The following SLC39A8 variants were observed in gnomAD, a reference collection of about 807,000 sequenced individuals.
The protein encoded by SLC39A8 is solute carrier family 39 member 8.
SLC39A8 carries 15 observed loss-of-function variants against 40.4 expected under a neutral mutation model. The observed-to-expected ratio is 0.37, with a 90% CI of 0.25 to 0.57. The LOEUF (loss-of-function observed/expected upper bound fraction) is 0.57. Ranked by LOEUF, SLC39A8 falls within the 20% of genes least tolerant of loss-of-function variation. The probability of loss-of-function intolerance (pLI) is 0.75; values close to 1 mark genes in which losing one functional copy is unlikely to be tolerated. For missense variants in SLC39A8, 472 were observed against 558.8 expected, an observed-to-expected ratio of 0.84 and a Z score of 1.57; for synonymous variants, 223 against 221.6, an observed-to-expected ratio of 1.01 and a Z score of -0.06.
At chr4:102,328,861 T>TA (rs919865406) in intron 2 of SLC39A8, among the ~76,000 whole-genome samples, 1 of 151,674 alleles carries the variant, frequency 6.6e-6, no homozygotes, top group Admixed American at 6.6e-5. Context: ...CCGTCTCTAC[T>TA]AAAAAAATAC....
intron 2 of SLC39A8, among the ~76,000 whole-genome samples, chr4:102,337,148 A>T (rs192399116): frequency 6.6e-6 from 1 of 151,490 alleles, no homozygotes; most frequent in East Asian, 1.9e-4. Context: ...ATCCTTCTCA[A>T]CTTCAGGCCT....
intron 2 of SLC39A8, among the ~76,000 whole-genome samples, chr4:102,321,881 A>G (rs748521248): frequency 6.6e-5 from 10 of 152,242 alleles, no homozygotes; most frequent in Admixed American, 6.5e-4. Flanking sequence ...TAGAAAGAAG[A>G]ACAAAGGCTT....
Position 102,315,806 on chromosome 4 carries a change from A to T in SLC39A8, c.244T>A (p.Ser82Thr), listed in dbSNP as rs1734630159. 3.1e-6 allele frequency: 5 copies of T among 1,612,722 alleles called. No individual in the cohort carries two copies. The highest frequency in any genetic ancestry group is 4.2e-6 in the Non-Finnish European group (5 of 1,179,328). Residue 82 changes from serine (S) to threonine (T), a missense_variant, in exon 3 of 9, where the codon TCC becomes ACC. By Grantham distance (58) the Ser-to-Thr change is moderately conservative. This residue lies in a region of SLC39A8 where 175 missense variants were observed against 160.5 expected (regional missense o/e 1.09). Coordinates refer to ENST00000356736, the MANE Select transcript of SLC39A8 (RefSeq NM_001135146.2). ...NQCLTAEEIF[S>T]LHGFSNATQI... Reference sequence around the variant, plus strand: ...GTAGCATTTGAAAAGCCATGAAGGGAAAAGATCTCTTCAGCAGTTAAACAC... The same window carrying T: ...GTAGCATTTGAAAAGCCATGAAGGGTAAAGATCTCTTCAGCAGTTAAACAC...
chr4:102,291,377 A>T (rs2149024491), intron 6 of SLC39A8, among the ~76,000 whole-genome samples: 1 of 151,854 alleles, frequency 6.6e-6, no homozygotes, highest in Non-Finnish European at 1.5e-5. Flanking sequence ...TGGACCTCTC[A>T]CCTTACCCAC....
rs186192361 is a variant in SLC39A8, at chr4:102,332,920, A to G, written c.219+11524T>C. 1.1e-3 allele frequency among the ~76,000 whole-genome samples: 169 copies of G among 152,332 alleles called. 1 individual carries two copies. The highest frequency in any genetic ancestry group is 3.4e-3 in the Middle Eastern group (1 of 294). ...CCTCAGCAAACTAACACAGCAACAG[A>G]AAACCAAACACCGCATGTTCTCACT... On this transcript the variant is annotated intron_variant, in intron 2 of 8. Coordinates refer to ENST00000356736, the MANE Select transcript of SLC39A8 (RefSeq NM_001135146.2).
At chr4:102,282,830 G>C (rs1010817966) in intron 6 of SLC39A8, among the ~76,000 whole-genome samples, 1 of 152,114 alleles carries the variant, frequency 6.6e-6, no homozygotes, top group African/African-American at 2.4e-5. Context: ...CGGTTCAAGC[G>C]ATTCTCTTGC....
intron 6 of SLC39A8, chr4:102,269,796 T>C (rs1732263304): frequency 6.6e-6 from 1 of 152,240 alleles, no homozygotes; most frequent in Non-Finnish European, 1.5e-5. Context: ...TTCTGAACGC[T>C]TGATGCAACA....
rs1451939900 is a variant in SLC39A8, at chr4:102,344,711, G to C, written c.-49C>G. 7.2e-7 allele frequency: 1 copy of C among 1,382,742 alleles called. No individual in the cohort carries two copies. The highest frequency in any genetic ancestry group is 3.0e-5 in the East Asian group (1 of 33,312). 85.7% of individuals were successfully genotyped at this position (1,382,742 alleles called of 1,614,324 possible). On this transcript the variant is annotated 5_prime_UTR_variant, in exon 2 of 9. Transcript: ENST00000356736. ...GGCCCGCGACGGGCTGCCGCGCAGA[G>C]GGACGCGCGCGGGCGCACTGGCGTC...
chr4:102,297,736 G>A (rs192166449), intron 6 of SLC39A8, among the ~76,000 whole-genome samples: 3 of 152,064 alleles, frequency 2.0e-5, no homozygotes, highest in Admixed American at 2.0e-4. Flanking sequence ...GGGCAACATA[G>A]CAAGACCCCA....
At chr4:102,339,612 A>G (rs1223658387) in intron 2 of SLC39A8, among the ~76,000 whole-genome samples, 3 of 152,238 alleles carry the variant, frequency 2.0e-5, no homozygotes, top group Non-Finnish European at 4.4e-5. Flanking sequence ...ATACTTAAAT[A>G]AATAATGATT....
chr4:102,341,043 T>TGCTA (rs1221686492), intron 2 of SLC39A8, among the ~76,000 whole-genome samples: 2 of 148,392 alleles, frequency 1.3e-5, no homozygotes, highest in African/African-American at 5.1e-5. Flanking sequence ...AGGCCTTAAA[T>TGCTA]GCTAGGCTCA....
At chr4:102,289,184 C>T (rs556853742) in intron 6 of SLC39A8, among the ~76,000 whole-genome samples, 17 of 152,266 alleles carry the variant, frequency 1.1e-4, no homozygotes, top group African/African-American at 4.1e-4. Flanking sequence ...GCTAAATTTA[C>T]TCTGTCTGTG....
chr4:102,269,947 C>G (rs1422186385), intron 6 of SLC39A8, among the ~76,000 whole-genome samples: 1 of 152,060 alleles, frequency 6.6e-6, no homozygotes, highest in East Asian at 1.9e-4. Flanking sequence ...TAATTTAGCA[C>G]AGGTGGATCG....
At chr4:102,301,499 T>C (rs1437519493) in intron 6 of SLC39A8, among the ~76,000 whole-genome samples, 1 of 150,820 alleles carries the variant, frequency 6.6e-6, no homozygotes, top group African/African-American at 2.5e-5. Context: ...ATTTTCTTGT[T>C]TTGCTCATTT....
chr4:102,264,588 C>T (rs1732014542), intron 8 of SLC39A8, among the ~76,000 whole-genome samples: 1 of 144,602 alleles, frequency 6.9e-6, no homozygotes, highest in African/African-American at 2.6e-5. Context: ...GTCAGCCTAT[C>T]CTTTGAAGAT....
intron 2 of SLC39A8, among the ~76,000 whole-genome samples, chr4:102,325,638 G>T (rs1735162961): frequency 6.6e-6 from 1 of 152,074 alleles, no homozygotes; most frequent in African/African-American, 2.4e-5. Flanking sequence ...TGTTAACAGT[G>T]TTTATCTCTG....
chr4:102,261,812 G>C lies in SLC39A8; in HGVS notation c.*1232C>G. 1 of 985,962 alleles carries C rather than the reference G, an allele frequency of 1.0e-6. No individual in the cohort carries two copies. The highest frequency in any genetic ancestry group is 1.2e-6 in the Non-Finnish European group (1 of 829,936). The allele number at this position is 985,962 out of a possible 1,614,324, so 61.1% of individuals were successfully genotyped here. ...AACATTTTTTGGTCTGTTGGAAAAT[G>C]TAATTCCTGAGATCATTGTTGGGCT... is the stretch of plus-strand genomic sequence containing the variant. On this transcript the variant is annotated 3_prime_UTR_variant, in exon 9 of 9. Transcript: ENST00000356736.
chr4:102,343,059 G>A (rs1560574995), intron 2 of SLC39A8, among the ~76,000 whole-genome samples: 5 of 152,044 alleles, frequency 3.3e-5, no homozygotes, highest in Admixed American at 3.3e-4. Flanking sequence ...CATAATTTGT[G>A]GGCATTTCCA....
At chr4:102,277,580 A>G (rs144579976) in intron 6 of SLC39A8, among the ~76,000 whole-genome samples, 201 of 152,338 alleles carry the variant, frequency 1.3e-3, no homozygotes, top group African/African-American at 4.4e-3. Context: ...TATAGATTCA[A>G]TGCTATTTCC....
Sources: allele counts gnomAD v4.1 joint callset (sites outside exome capture counted in the v4.1 genomes callset), GRCh38; gene constraint gnomAD v4.1.1; regional missense constraint gnomAD v4.1.1; transcripts MANE v1.5; gene names NCBI Gene and HGNC (gene_info 2026-07-23, HGNC 2026-07-21).